The following GAP43 variants were observed in gnomAD, a reference collection of about 807,000 sequenced individuals.
The protein encoded by GAP43 is growth associated protein 43.
Under a neutral mutation model 18.6 loss-of-function variants are expected in GAP43, and 6 were observed. That is an observed-to-expected ratio of 0.32 (90% CI 0.18 to 0.64). The LOEUF (loss-of-function observed/expected upper bound fraction) is 0.64. Ranked by LOEUF, GAP43 falls within the 30% of genes least tolerant of loss-of-function variation. GAP43 has a pLI of 0.78. For synonymous variants in GAP43, 115 were observed against 111.4 expected (o/e 1.03, Z -0.20); for missense variants, 292 against 295.5 (o/e 0.99, Z 0.09).
In GAP43 at chr3:115,700,195, C is replaced by G. The variant is rs10048981; in HGVS notation, c.629-20599C>G. Among the ~76,000 whole-genome samples, 360 of 152,274 alleles carry G rather than the reference C, an allele frequency of 2.4e-3. 3 individuals are homozygous for G. The highest frequency in any genetic ancestry group is 0.017 in the Middle Eastern group (5 of 294). ...GACAAGGGCACTTTGTGTGATGGATCAGGACAAAACAAGACCACCATAATA... is the reference window on the plus strand; with the variant it reads ...GACAAGGGCACTTTGTGTGATGGATGAGGACAAAACAAGACCACCATAATA... On this transcript the variant is annotated intron_variant, in intron 2 of 2. Coordinates refer to ENST00000305124, the MANE Select transcript of GAP43 (RefSeq NM_002045.4).
chr3:115,715,620 C>T (rs1709493599), intron 2 of GAP43, among the ~76,000 whole-genome samples: 1 of 152,194 alleles, frequency 6.6e-6, no homozygotes, highest in African/African-American at 2.4e-5. Flanking sequence ...AGATTTTGCA[C>T]AAAATACTAA....
chr3:115,672,750 T>TCTCCTCTCCC (rs1708829845), intron 1 of GAP43, among the ~76,000 whole-genome samples: 1 of 149,310 alleles, frequency 6.7e-6, no homozygotes, highest in African/African-American at 2.5e-5. Context: ...TCTCCTCTCC[T>TCTCCTCTCCC]CTCCTCTCCT....
intron 1 of GAP43, among the ~76,000 whole-genome samples, chr3:115,632,234 C>T (rs1708269144): frequency 6.6e-6 from 1 of 152,020 alleles, no homozygotes; most frequent in South Asian, 2.1e-4. Flanking sequence ...ACATCCATCA[C>T]ATGAGGGCCC....
At chr3:115,642,304 A>C (rs568156449) in intron 1 of GAP43, among the ~76,000 whole-genome samples, 2 of 151,978 alleles carry the variant, frequency 1.3e-5, no homozygotes, top group South Asian at 4.1e-4. Context: ...TTTAGACACA[A>C]TATCTCCTCT....
At chr3:115,709,499 T>A (rs910295947) in intron 2 of GAP43, among the ~76,000 whole-genome samples, 2 of 152,226 alleles carry the variant, frequency 1.3e-5, no homozygotes, top group Non-Finnish European at 2.9e-5. Context: ...ATTACTGATG[T>A]GTTTCTTGTA....
intron 2 of GAP43, among the ~76,000 whole-genome samples, chr3:115,711,809 GTT>G (rs1709443114): frequency 3.0e-5 from 1 of 33,102 alleles, no homozygotes; most frequent in Non-Finnish European, 8.8e-5. Context: ...TTATTTGACT[GTT>G]TGTTATACTA....
chr3:115,689,136 T>G (rs912034489), intron 2 of GAP43, among the ~76,000 whole-genome samples: 1 of 152,238 alleles, frequency 6.6e-6, no homozygotes, highest in African/African-American at 2.4e-5. Flanking sequence ...TGAATGTCCC[T>G]TACTCAGACA....
chr3:115,645,905 C>T (rs1469353783), intron 1 of GAP43, among the ~76,000 whole-genome samples: 1 of 151,998 alleles, frequency 6.6e-6, no homozygotes, highest in Non-Finnish European at 1.5e-5. Flanking sequence ...AGACACAAAA[C>T]TCTTAACTCC....
chr3:115,698,129 A>AT, intron 2 of GAP43, among the ~76,000 whole-genome samples: 1 of 9,030 alleles, frequency 1.1e-4, no homozygotes, highest in African/African-American at 1.4e-4. Context: ...TATATTATAT[A>AT]TAATATATAT....
chr3:115,634,567 C>A (rs74339943), intron 1 of GAP43, among the ~76,000 whole-genome samples: 11 of 151,842 alleles, frequency 7.2e-5, no homozygotes, highest in Non-Finnish European at 1.3e-4. Context: ...CTCAGGAGTT[C>A]GAGACCAGCC....
At chr3:115,717,010 T>A (rs1236406590) in intron 2 of GAP43, among the ~76,000 whole-genome samples, 1 of 151,994 alleles carries the variant, frequency 6.6e-6, no homozygotes, top group Non-Finnish European at 1.5e-5. Flanking sequence ...TCGGAAAAAC[T>A]GAACAAATAG....
At chr3:115,677,679 C>G (rs1030601906) in intron 2 of GAP43, among the ~76,000 whole-genome samples, 17 of 152,296 alleles carry the variant, frequency 1.1e-4, no homozygotes, top group Middle Eastern at 3.4e-3. Context: ...TGGGTTTACT[C>G]CTTTAGAAGC....
chr3:115,702,302 T>A (rs1050222014), intron 2 of GAP43, among the ~76,000 whole-genome samples: 1 of 152,078 alleles, frequency 6.6e-6, no homozygotes, highest in Non-Finnish European at 1.5e-5. Flanking sequence ...AATCAGGTGG[T>A]TACCTGGATA....
intron 1 of GAP43, 56 bp from the exon 2 acceptor site, chr3:115,675,957 T>G: frequency 6.5e-7 from 1 of 1,536,850 alleles, no homozygotes; most frequent in Non-Finnish European, 8.7e-7. Flanking sequence ...ATGCTGAGAT[T>G]TAAAGGAGAA....
chr3:115,630,463 T>A (rs1049022956), intron 1 of GAP43, among the ~76,000 whole-genome samples: 1 of 152,158 alleles, frequency 6.6e-6, no homozygotes, highest in Non-Finnish European at 1.5e-5. Flanking sequence ...CTGAAGGGAC[T>A]TGGGTTCTGA....
At chr3:115,709,289 C>T (rs888501410) in intron 2 of GAP43, among the ~76,000 whole-genome samples, 2 of 152,172 alleles carry the variant, frequency 1.3e-5, no homozygotes, top group African/African-American at 4.8e-5. Context: ...TTAGGCAAAA[C>T]CTGCACTCTC....
At position 115,676,435 on chromosome 3, in the gene GAP43, G is replaced by C. The variant is rs200116304; in HGVS notation, c.453G>C (p.Ser151=). ...ESATKASTDN[S]PSSKAEDAPA... ...CCACTAAAGCTTCCACTGATAACTC[G>C]CCGTCCTCCAAGGCTGAAGATGCCC... The change falls in exon 2 of 3, where the codon TCG becomes TCC. Residue 151 remains serine, a synonymous_variant. Coordinates refer to ENST00000305124, the MANE Select transcript of GAP43 (RefSeq NM_002045.4). The C allele has an allele frequency of 6.2e-7, 1 of 1,613,918 alleles. No homozygotes were observed. The highest frequency in any genetic ancestry group is 1.7e-5 in the Admixed American group (1 of 60,002).
intron 2 of GAP43, among the ~76,000 whole-genome samples, chr3:115,699,192 A>G (rs1009106898): frequency 2.6e-5 from 4 of 152,230 alleles, no homozygotes; most frequent in Admixed American, 6.5e-5. Flanking sequence ...AGCATCCTGC[A>G]TCCTGACACC....
At chr3:115,652,901 C>T (rs955166624) in intron 1 of GAP43, among the ~76,000 whole-genome samples, 3 of 152,152 alleles carry the variant, frequency 2.0e-5, no homozygotes, top group African/African-American at 7.2e-5. Flanking sequence ...AACTTATTAA[C>T]AGTGGATTCC....
Sources: gnomAD v4.1 joint callset for allele counts (sites outside exome capture counted in the v4.1 genomes callset) on GRCh38, gnomAD v4.1.1 for gene constraint, MANE v1.5 for transcripts, NCBI Gene and HGNC (gene_info 2026-07-23, HGNC 2026-07-21) for gene names.